Variants in SMARCAL1 observed in about 807,000 individuals in gnomAD.
SMARCAL1 encodes the protein SNF2 related chromatin remodeling annealing helicase 1, also known as ATP-driven annealing helicase.
Under a neutral mutation model 94.5 loss-of-function variants are expected in SMARCAL1, and 58 were observed. That is an observed-to-expected ratio of 0.61 (90% CI 0.50 to 0.76). SMARCAL1 has a LOEUF of 0.76. Among genes scored for constraint, SMARCAL1 ranks in the 30% least tolerant of loss-of-function variants. SMARCAL1 has a pLI of 0.00. For synonymous variants in SMARCAL1, 422 were observed against 455.1 expected (o/e 0.93, Z 0.93); for missense variants, 1,051 against 1,177.9 (o/e 0.89, Z 1.58).
In SMARCAL1 at chr2:216,482,320, A is replaced by T. The variant is rs560658874; in HGVS notation, c.2626-418A>T. Among the ~76,000 whole-genome samples the T allele has an allele frequency of 6.6e-6, 1 of 152,258 alleles. No individual in the cohort carries two copies. Among genetic ancestry groups the T allele is most frequent in the Non-Finnish European group, 1.5e-5 (1 of 68,016 alleles). On this transcript the variant is annotated intron_variant, in intron 17 of 17. Coordinates refer to ENST00000357276, the MANE Select transcript of SMARCAL1 (RefSeq NM_014140.4). The surrounding 1 kb of genome is among the most constrained non-coding windows in gnomAD (Gnocchi z 4.3). ...AATTATAAAAATAAAAATAAATTTA[A>T]AAATAGAGATTTAGAAGTTGAATTA...
Position 216,415,120 on chromosome 2 carries a change from T to C in SMARCAL1, c.416T>C (p.Leu139Ser). 1 of 1,613,402 alleles carries C rather than the reference T, an allele frequency of 6.2e-7. No individual in the cohort carries two copies. The highest frequency in any genetic ancestry group is 8.5e-7 in the Non-Finnish European group (1 of 1,179,486). Residue 139 changes from leucine (L) to serine (S), a missense_variant, in exon 3 of 18, where the codon TTG (leucine) becomes TCG (serine). Leu to Ser is a moderately radical substitution (Grantham distance 145). This residue lies in a region of SMARCAL1 where 398 missense variants were observed against 395.2 expected (regional missense o/e 1.01). Coordinates refer to ENST00000357276, the MANE Select transcript of SMARCAL1 (RefSeq NM_014140.4). ...CCAGAGGTCCCTAAACAACAGCTCT[T>C]GAGTTATGAGTTAGGTCAAGGTCAT... ...SPPEVPKQQL[L>S]SYELGQGHAQ...
chr2:216,442,733 G>A (rs1694223025), intron 10 of SMARCAL1, among the ~76,000 whole-genome samples: 1 of 152,156 alleles, frequency 6.6e-6, no homozygotes, highest in Non-Finnish European at 1.5e-5. Flanking sequence ...CATTCTATTG[G>A]ATAAATTTAT....
At chr2:216,460,628 T>A (rs577967321) in intron 12 of SMARCAL1, among the ~76,000 whole-genome samples, 3 of 136,688 alleles carry the variant, frequency 2.2e-5, no homozygotes, top group Non-Finnish European at 4.6e-5. Flanking sequence ...TAGGTGGGAA[T>A]TGAACAATGA....
At chr2:216,466,901 G>A (rs1365852282) in intron 13 of SMARCAL1, among the ~76,000 whole-genome samples, 2 of 152,206 alleles carry the variant, frequency 1.3e-5, no homozygotes, top group Non-Finnish European at 2.9e-5. Context: ...ACTCTTGGAT[G>A]TTTACAGGGC....
chr2:216,414,491 A>G (rs1693539867), intron 2 of SMARCAL1, 156 bp from the exon 3 acceptor site: 3 of 577,392 alleles, frequency 5.2e-6, no homozygotes, highest in Non-Finnish European at 6.2e-6. Context: ...GCTGCCTACT[A>G]TTTCAGTGTG....
At chr2:216,467,914 A>T in intron 13 of SMARCAL1, 30 bp from the exon 14 acceptor site, 1 of 1,289,334 alleles carries the variant, frequency 7.8e-7, no homozygotes, top group Non-Finnish European at 1.1e-6. Flanking sequence ...GTATATGTTT[A>T]ATCTGTTTTG....
intron 4 of SMARCAL1, among the ~76,000 whole-genome samples, chr2:216,420,048 G>GAAAAAA (rs1319032782): frequency 1.8e-5 from 2 of 112,696 alleles, no homozygotes; most frequent in Non-Finnish European, 3.7e-5. Context: ...AAAAAAAAAA[G>GAAAAAA]AAAAAAAAAA....
At position 216,472,115 on chromosome 2, in the gene SMARCAL1, G is replaced by T. The variant is rs535803668; in HGVS notation, c.2245-3154G>T. On this transcript the variant is annotated intron_variant, in intron 14 of 17. Coordinates refer to ENST00000357276, the MANE Select transcript of SMARCAL1 (RefSeq NM_014140.4). ...CACGCCTGTAATCCCAGCACTTTGGGAGACTGAGGCAGGCAGATCACCCGA... is the reference window on the plus strand; with the variant it reads ...CACGCCTGTAATCCCAGCACTTTGGTAGACTGAGGCAGGCAGATCACCCGA... Among the ~76,000 whole-genome samples the T allele has an allele frequency of 4.6e-5, 7 of 152,332 alleles. No homozygotes were observed. The South Asian group carries it at 1.4e-3, about 32-fold the overall frequency.
At chr2:216,416,218 C>G (rs760959817) in intron 3 of SMARCAL1, 39 bp from the exon 4 acceptor site, 2 of 1,591,900 alleles carry the variant, frequency 1.3e-6, no homozygotes. Context: ...TGCCTAAGTA[C>G]AAATTGTCAA....
At chr2:216,432,423 C>T in intron 7 of SMARCAL1, among the ~76,000 whole-genome samples, 1 of 152,240 alleles carries the variant, frequency 6.6e-6, no homozygotes, top group East Asian at 1.9e-4. Flanking sequence ...GGCAACTCCT[C>T]TCACTGGAAA....
At chr2:216,421,542 C>T (rs1211598820) in intron 5 of SMARCAL1, among the ~76,000 whole-genome samples, 5 of 152,112 alleles carry the variant, frequency 3.3e-5, no homozygotes, top group Non-Finnish European at 7.4e-5. Flanking sequence ...ACCTTGGCCT[C>T]CCAAAATGCT....
rs112749138 is a variant in SMARCAL1 at position 216,416,011 on chromosome 2, C to G, written c.812-246C>G. 1,879 of 472,372 alleles carry G rather than the reference C, an allele frequency of 4.0e-3. 4 individuals are homozygous for G. The highest frequency in any genetic ancestry group is 5.5e-3 in the Non-Finnish European group (1,409 of 255,906). 29.3% of individuals were successfully genotyped at this position (472,372 alleles called of 1,614,324 possible). A position where few individuals can be genotyped will look rare whatever the true frequency, so the allele number is the denominator to read the frequency against. On this transcript the variant is annotated intron_variant, in intron 3 of 17. Transcript: ENST00000357276. Reference sequence around the variant, plus strand: ...GAGAACTTGGATTCTAGTCCTAACTCTGCCCTCAGTCCTCTTAGGTGAAGT... The same window carrying G: ...GAGAACTTGGATTCTAGTCCTAACTGTGCCCTCAGTCCTCTTAGGTGAAGT...
intron 6 of SMARCAL1, among the ~76,000 whole-genome samples, chr2:216,425,118 G>A (rs952196542): frequency 1.3e-5 from 2 of 152,132 alleles, no homozygotes; most frequent in African/African-American, 4.8e-5. Flanking sequence ...TTGCCCACTC[G>A]ACCTGGCAGG....
chr2:216,431,494 G>T (rs1693962588), intron 7 of SMARCAL1, among the ~76,000 whole-genome samples: 1 of 152,110 alleles, frequency 6.6e-6, no homozygotes, highest in African/African-American at 2.4e-5. Context: ...TTTGTGTTTT[G>T]ATTCTTTTTC....
At chr2:216,468,109 G>A in intron 14 of SMARCAL1, 63 bp downstream of exon 14, 3 of 1,146,158 alleles carry the variant, frequency 2.6e-6, no homozygotes, top group South Asian at 2.5e-5. Flanking sequence ...TTCTAAGCAG[G>A]CTTAGGTCAG....
chr2:216,433,442 G>T (rs1454363170), intron 8 of SMARCAL1, among the ~76,000 whole-genome samples: 1 of 152,114 alleles, frequency 6.6e-6, no homozygotes, highest in Non-Finnish European at 1.5e-5. Context: ...ACAGTCCTGT[G>T]CAGTAGGTAC....
chr2:216,455,388 G>A (rs1369789350), intron 12 of SMARCAL1, among the ~76,000 whole-genome samples: 10 of 152,192 alleles, frequency 6.6e-5, no homozygotes, highest in African/African-American at 1.9e-4. Flanking sequence ...ATCTGAGAAC[G>A]GATAGACTGC....
intron 8 of SMARCAL1, among the ~76,000 whole-genome samples, chr2:216,433,597 G>C (rs1464920697): frequency 6.6e-6 from 1 of 152,132 alleles, no homozygotes; most frequent in Non-Finnish European, 1.5e-5. Context: ...TGTAGAGGGG[G>C]GAGTGAGTGG....
intron 13 of SMARCAL1, among the ~76,000 whole-genome samples, chr2:216,466,509 C>T (rs1363355568): frequency 6.6e-6 from 1 of 152,176 alleles, no homozygotes; most frequent in East Asian, 1.9e-4. Flanking sequence ...ATTTCCTCAG[C>T]TAGTTGTTTT....
Sources: gnomAD v4.1 joint callset for allele counts (sites outside exome capture counted in the v4.1 genomes callset) on GRCh38, gnomAD v4.1.1 for gene constraint, gnomAD v4.1.1 regional missense constraint, Gnocchi (gnomAD v3.1) non-coding constraint, MANE v1.5 for transcripts, NCBI Gene and HGNC (gene_info 2026-07-23, HGNC 2026-07-21) for gene names.